Variants in CTBP2 observed in about 807,000 individuals in gnomAD.
CTBP2 encodes C-terminal binding protein 2.
Under a neutral mutation model 80.3 loss-of-function variants are expected in CTBP2, and 30 were observed. The observed-to-expected ratio is 0.37, with a 90% CI of 0.28 to 0.51. The LOEUF is 0.51. CTBP2 is among the 20% of genes least tolerant of loss of function. CTBP2 has a pLI of 0.93. For missense variants in CTBP2, 1,212 were observed against 1,375.3 expected (o/e 0.88, Z 1.88); for synonymous variants, 594 against 587.4 (o/e 1.01, Z -0.16).
In CTBP2 at chr10:125,132,295, GA is replaced by G. The variant is rs201734026; in HGVS notation, c.-205-21203del. Among the ~76,000 whole-genome samples the G allele has an allele frequency of 7.3e-3, 1,064 of 144,992 alleles. 12 individuals are homozygous for G. The highest frequency in any genetic ancestry group is 0.021 in the African/African-American group (825 of 39,676). ...CATCATTTTATAAACCACTAAGGGA[GA>G]AAAAAAAAAATGCCGTCAATTAAAC... On this transcript the variant is annotated intron_variant, in intron 1 of 10. Transcript: ENST00000337195.
chr10:125,027,425 C>G lies in CTBP2; in HGVS notation c.335G>C (p.Ser112Thr), dbSNP rs760171877. ...TACCCTAGCAGCTCCAGACGGATCA[C>G]TGTAGTACTCCCGTGGCAGCAGGGG... Residue 112 changes from serine to threonine, a missense_variant, in exon 1 of 9, where the codon AGT (serine) becomes ACT (threonine). Physicochemically the swap from Ser to Thr is moderately conservative, Grantham distance 58. Transcript: ENST00000309035. 57 of 1,614,100 alleles carry G rather than the reference C, an allele frequency of 3.5e-5. No homozygotes were observed. The highest frequency in any genetic ancestry group is 4.7e-5 in the Non-Finnish European group (56 of 1,180,028).
intron 2 of CTBP2, among the ~76,000 whole-genome samples, chr10:125,071,428 T>C (rs1324296215): frequency 6.6e-6 from 1 of 152,188 alleles, no homozygotes; most frequent in Non-Finnish European, 1.5e-5. Flanking sequence ...TGGTCATTGG[T>C]ACAGTGAGCC....
intron 1 of CTBP2, among the ~76,000 whole-genome samples, chr10:125,151,078 A>G (rs1408619652): frequency 1.3e-5 from 2 of 152,128 alleles, no homozygotes; most frequent in Non-Finnish European, 2.9e-5. Context: ...AGTGCCAGAC[A>G]CTAAGTAAGT....
At chr10:125,001,693 C>G (rs969594476) in intron 3 of CTBP2, among the ~76,000 whole-genome samples, 2 of 152,218 alleles carry the variant, frequency 1.3e-5, no homozygotes, top group Admixed American at 6.5e-5. Context: ...CAGCCCCACC[C>G]CACTGCGTCC....
Position 125,027,866 on chromosome 10 carries a change from G to A in CTBP2, c.-107C>T, listed in dbSNP as rs1957818122. The A allele has an allele frequency of 2.6e-5, 37 of 1,428,468 alleles. No individual in the cohort carries two copies. The highest frequency in any genetic ancestry group is 2.1e-4 in the South Asian group (14 of 65,440). 88.5% of individuals were successfully genotyped at this position (1,428,468 alleles called of 1,614,324 possible). A position where few individuals can be genotyped will look rare whatever the true frequency, so the allele number is the denominator to read the frequency against. On this transcript the variant is annotated 5_prime_UTR_variant, in exon 1 of 9. Coordinates refer to ENST00000309035, the MANE Select transcript of CTBP2 (RefSeq NM_022802.3). ...GGCTGTGTGCTAACCCTTCCGAGACGGCAGGGACAACCAACTGGGGGTTTT... is the reference window on the plus strand; with the variant it reads ...GGCTGTGTGCTAACCCTTCCGAGACAGCAGGGACAACCAACTGGGGGTTTT...
rs375847928 is a variant in CTBP2, at chr10:124,998,149, G to T, written c.2000C>A (p.Pro667Gln). Reference sequence around the variant, plus strand: ...CGCTGTCTCTTCCACGGCTGCAGACGGGATGTTGCACACGGCAATTCCTGA... The same window carrying T: ...CGCTGTCTCTTCCACGGCTGCAGACTGGATGTTGCACACGGCAATTCCTGA... Residue 667 changes from proline to glutamine, a missense_variant, in exon 4 of 9, where the codon CCG (proline) becomes CAG (glutamine). Coordinates refer to ENST00000309035, the MANE Select transcript of CTBP2 (RefSeq NM_022802.3). 2 of 1,609,024 alleles carry T rather than the reference G, an allele frequency of 1.2e-6. No individual in the cohort carries two copies. Among genetic ancestry groups the T allele is most frequent in the Non-Finnish European group, 1.7e-6 (2 of 1,178,306 alleles).
chr10:125,047,781 G>T (rs1271801462), intron 2 of CTBP2, among the ~76,000 whole-genome samples: 1 of 152,176 alleles, frequency 6.6e-6, no homozygotes, highest in East Asian at 1.9e-4. Flanking sequence ...CTTAATATAT[G>T]AAATGGGGGA....
chr10:125,074,921 C>T (rs957409298), intron 2 of CTBP2, among the ~76,000 whole-genome samples: 1 of 152,184 alleles, frequency 6.6e-6, no homozygotes, highest in African/African-American at 2.4e-5. Context: ...AACCATGAGT[C>T]CTACCTTGAC....
At chr10:124,994,997 A>G (rs532839619) in intron 4 of CTBP2, among the ~76,000 whole-genome samples, 2 of 152,318 alleles carry the variant, frequency 1.3e-5, no homozygotes, top group East Asian at 3.9e-4. Flanking sequence ...ACAAGCCCAC[A>G]TGCCCCTCCC....
intron 1 of CTBP2, among the ~76,000 whole-genome samples, chr10:125,014,151 A>C (rs1355349962): frequency 6.6e-6 from 1 of 152,200 alleles, no homozygotes; most frequent in Admixed American, 6.5e-5. Flanking sequence ...CAGGATAGTA[A>C]CACGTGTGTG....
chr10:125,139,410 A>G (rs937422059), intron 1 of CTBP2, among the ~76,000 whole-genome samples: 4 of 149,670 alleles, frequency 2.7e-5, no homozygotes, highest in Non-Finnish European at 4.4e-5. Flanking sequence ...GGTAGCTACT[A>G]TTATAATTAT....
intron 1 of CTBP2, among the ~76,000 whole-genome samples, chr10:125,159,658 G>T (rs1861599170): frequency 6.7e-6 from 1 of 150,194 alleles, no homozygotes; most frequent in South Asian, 2.1e-4. Context: ...GCGCCCCTGG[G>T]GACCGAGAGC....
At chr10:125,148,333 G>A (rs1859180690) in intron 1 of CTBP2, among the ~76,000 whole-genome samples, 2 of 152,144 alleles carry the variant, frequency 1.3e-5, no homozygotes. Flanking sequence ...TAACCACCAG[G>A]TTGCAAAACT....
intron 1 of CTBP2, among the ~76,000 whole-genome samples, chr10:125,016,379 T>C (rs1438340108): frequency 6.6e-6 from 1 of 152,214 alleles, no homozygotes; most frequent in Non-Finnish European, 1.5e-5. Flanking sequence ...GGCTGCTGGC[T>C]TGTCCCTTGG....
upstream of CTBP2, among the ~76,000 whole-genome samples, chr10:125,161,942 G>A (rs912564069): frequency 2.0e-5 from 3 of 152,144 alleles, no homozygotes; most frequent in Admixed American, 6.5e-5. Context: ...GCGGCCGCTC[G>A]CGGCCCAACG....
intron 2 of CTBP2, among the ~76,000 whole-genome samples, chr10:125,050,825 G>A (rs1305504285): frequency 1.3e-5 from 2 of 152,234 alleles, no homozygotes; most frequent in African/African-American, 4.8e-5. Flanking sequence ...GAAAGAGGTT[G>A]CTGGGGAGGA....
In CTBP2 at chr10:124,985,765, G is replaced by A. The variant is rs1346544570; in HGVS notation, c.*3753C>T. ...CCAGATTCTGGGCAGTGGTCTGTGA[G>A]TAGTTTTTTTCCTGGATGAAAAGGG... On this transcript the variant is annotated 3_prime_UTR_variant, in exon 9 of 9. Transcript: ENST00000309035. The A allele has an allele frequency of 3.9e-5, 6 of 152,268 alleles. No homozygotes were observed. The allele number at this position is 152,268 out of a possible 1,614,324, so 9.4% of individuals were successfully genotyped here. A position where few individuals can be genotyped will look rare whatever the true frequency, so the allele number is the denominator to read the frequency against.
Position 125,005,547 on chromosome 10 carries a change from C to T in CTBP2, c.1679-2055G>A, listed in dbSNP as rs189414524. On this transcript the variant is annotated intron_variant, in intron 1 of 8. Transcript: ENST00000309035. ...AGGGCCAACACCCCCGTGTCCTCAC[C>T]AGCCCACGACCTGTATGAGTGGACA... 6.9e-4 allele frequency: 1,111 copies of T among 1,608,676 alleles called. 1 individual carries two copies. The highest frequency in any genetic ancestry group is 7.7e-4 in the Non-Finnish European group (907 of 1,177,540).
chr10:125,031,822 G>A (rs572688404), upstream of CTBP2, among the ~76,000 whole-genome samples: 1 of 152,196 alleles, frequency 6.6e-6, no homozygotes, highest in Non-Finnish European at 1.5e-5. Flanking sequence ...GGGCACCCAC[G>A]CAACGCGCCA....
Sources: gnomAD v4.1 joint callset for allele counts (sites outside exome capture counted in the v4.1 genomes callset) on GRCh38, gnomAD v4.1.1 for gene constraint, MANE v1.5 for transcripts, NCBI Gene and HGNC (gene_info 2026-07-23, HGNC 2026-07-21) for gene names.